AOAH: variants seen among roughly 807,000 people sequenced by gnomAD.
AOAH encodes acyloxyacyl hydrolase (neutrophil).
In AOAH, 64 loss-of-function variants were observed where a neutral mutation model predicts 92.2. The observed-to-expected ratio is 0.69, with a 90% CI of 0.57 to 0.86. The LOEUF (loss-of-function observed/expected upper bound fraction) is 0.86. Among genes scored for constraint, AOAH ranks in the 40% least tolerant of loss-of-function variants. The pLI is 0.00. For synonymous variants in AOAH, 263 were observed against 254.5 expected (o/e 1.03, Z -0.32); for missense variants, 656 against 694.6 (o/e 0.94, Z 0.62).
At chr7:36,649,327 C>G (rs1794429113) in intron 4 of AOAH, among the ~76,000 whole-genome samples, 1 of 152,174 alleles carries the variant, frequency 6.6e-6, no homozygotes, top group South Asian at 2.1e-4. Flanking sequence ...ACTAGGCCTT[C>G]TCATTTTCTT....
At chr7:36,599,136 G>T (rs933562142) in intron 11 of AOAH, among the ~76,000 whole-genome samples, 1 of 152,272 alleles carries the variant, frequency 6.6e-6, no homozygotes, top group South Asian at 2.1e-4. Context: ...ACTATTTTGT[G>T]TAATAGTTTC....
At chr7:36,623,654 C>G (rs1792441226) in intron 6 of AOAH, among the ~76,000 whole-genome samples, 1 of 152,184 alleles carries the variant, frequency 6.6e-6, no homozygotes, top group African/African-American at 2.4e-5. Flanking sequence ...AAATTTTACT[C>G]TTTTCAATCA....
intron 13 of AOAH, among the ~76,000 whole-genome samples, chr7:36,550,541 C>T (rs759277929): frequency 6.6e-6 from 1 of 152,104 alleles, no homozygotes; most frequent in Non-Finnish European, 1.5e-5. Flanking sequence ...GGTACTCATT[C>T]GAAGAACTGC....
At chr7:36,628,005 C>T (rs1006744271) in intron 6 of AOAH, among the ~76,000 whole-genome samples, 3 of 151,924 alleles carry the variant, frequency 2.0e-5, no homozygotes, top group East Asian at 1.9e-4. Context: ...GAGGGCCGGG[C>T]GTGGGTTGGT....
rs200517752 is a variant in AOAH at position 36,618,301 on chromosome 7, A to G, written c.747T>C (p.Cys249=). 4.3e-5 allele frequency: 69 copies of G among 1,613,478 alleles called. No individual in the cohort carries two copies. The African/African-American group carries it at 7.2e-4, about 17-fold the overall frequency. The change falls in exon 10 of 21, where the codon TGT becomes TGC. Residue 249 remains cysteine (C), a synonymous_variant. Transcript: ENST00000617537. The stretch of plus-strand genomic sequence containing the variant: ...AATGACATCCACAATTCATACCTTC[A>G]CAGAATTTCTTCTCATATGGAACTC... The part of the protein sequence containing the change: ...KDGVPYEKKF[C]EGSQPRGIIL...
intron 1 of AOAH, among the ~76,000 whole-genome samples, chr7:36,702,537 A>T (rs898245071): frequency 2.6e-5 from 4 of 152,232 alleles, no homozygotes; most frequent in African/African-American, 7.2e-5. Context: ...AAATAACTCA[A>T]TAGTCACATG....
At chr7:36,553,831 G>C (rs146180242) in intron 13 of AOAH, among the ~76,000 whole-genome samples, 19,936 of 152,110 alleles carry the variant, frequency 0.13, 1,359 homozygotes, top group African/African-American at 0.15. Flanking sequence ...TCATGGGGTT[G>C]TTTGTTTTTT....
intron 2 of AOAH, 55 bp from the exon 3 acceptor site, chr7:36,674,064 C>T: frequency 1.0e-6 from 1 of 977,404 alleles, no homozygotes; most frequent in Non-Finnish European, 1.6e-6. Context: ...GAATTTAACA[C>T]ACCTTAATAA....
intron 13 of AOAH, among the ~76,000 whole-genome samples, chr7:36,570,648 T>A (rs978106923): frequency 1.3e-5 from 2 of 152,204 alleles, no homozygotes; most frequent in Non-Finnish European, 2.9e-5. Context: ...TTTCTCCACA[T>A]CCTGTTTGTT....
intron 11 of AOAH, among the ~76,000 whole-genome samples, chr7:36,607,298 C>T (rs1250571510): frequency 6.6e-6 from 1 of 152,200 alleles, no homozygotes; most frequent in Admixed American, 6.5e-5. Context: ...TGTTTTTCTA[C>T]AGCATTTACT....
At chr7:36,644,400 C>G (rs537802402) in intron 4 of AOAH, among the ~76,000 whole-genome samples, 3 of 152,122 alleles carry the variant, frequency 2.0e-5, no homozygotes, top group East Asian at 1.9e-4. Flanking sequence ...AAAGCCACAC[C>G]ATGCATTCGT....
chr7:36,615,221 T>C (rs747806408), intron 11 of AOAH, among the ~76,000 whole-genome samples: 4 of 152,236 alleles, frequency 2.6e-5, no homozygotes, highest in African/African-American at 4.8e-5. Context: ...TACAGTGGCA[T>C]GTAAAACTGG....
chr7:36,663,825 T>A (rs2116568899), intron 3 of AOAH, among the ~76,000 whole-genome samples: 1 of 152,364 alleles, frequency 6.6e-6, no homozygotes, highest in East Asian at 1.9e-4. Context: ...CCCAGCGGTA[T>A]GAATCCTGGC....
chr7:36,692,321 G>GA (rs1426866156), intron 1 of AOAH, among the ~76,000 whole-genome samples: 1 of 152,158 alleles, frequency 6.6e-6, no homozygotes, highest in African/African-American at 2.4e-5. Context: ...GCTCATCTTT[G>GA]AAAAATATGT....
rs560700545 is a variant in AOAH at position 36,691,328 on chromosome 7, G to A, written c.128-4534C>T. Among the ~76,000 whole-genome samples the A allele has an allele frequency of 6.6e-5, 10 of 152,302 alleles. No individual in the cohort carries two copies. The South Asian group carries it at 2.1e-3, about 32-fold the overall frequency. On this transcript the variant is annotated intron_variant, in intron 1 of 20. Coordinates refer to ENST00000617537, the MANE Select transcript of AOAH (RefSeq NM_001637.4). Reference sequence around the variant, plus strand: ...AACACAATATTTGGTGAAAAGAAAAGAAGAAAGAAAGGTGTAAAAATAATC... The same window carrying A: ...AACACAATATTTGGTGAAAAGAAAAAAAGAAAGAAAGGTGTAAAAATAATC...
chr7:36,618,465 AG>A (rs1425673318), intron 9 of AOAH, 120 bp from the exon 10 acceptor site: 15 of 859,980 alleles, frequency 1.7e-5, no homozygotes, highest in Non-Finnish European at 2.4e-5. Flanking sequence ...AACCCTTTAA[AG>A]TTTCTTAAGC....
At chr7:36,625,726 C>T (rs191368260) in intron 6 of AOAH, among the ~76,000 whole-genome samples, 1 of 152,288 alleles carries the variant, frequency 6.6e-6, no homozygotes, top group African/African-American at 2.4e-5. Context: ...AAATTCCACC[C>T]CCATGATCAC....
chr7:36,620,826 C>T lies in AOAH; in HGVS notation c.657G>A (p.Pro219=), dbSNP rs757286128. 23 of 1,613,214 alleles carry T rather than the reference C, an allele frequency of 1.4e-5. No homozygotes were observed. Among genetic ancestry groups the T allele is most frequent in the African/African-American group, 6.7e-5 (5 of 74,812 alleles). ...SDESVYPGRR[P]NNWDVHQDSN... Reference sequence around the variant, plus strand: ...AATCCTGATGGACATCCCAGTTGTTCGGCCTAAGAAAAAAACATTAACATT... The same window carrying T: ...AATCCTGATGGACATCCCAGTTGTTTGGCCTAAGAAAAAAACATTAACATT... Residue 219 remains proline (P), a synonymous_variant, in exon 9 of 21, where the codon CCG becomes CCA. Coordinates refer to ENST00000617537, the MANE Select transcript of AOAH (RefSeq NM_001637.4).
intron 19 of AOAH, among the ~76,000 whole-genome samples, chr7:36,522,334 G>A (rs1784148726): frequency 6.6e-6 from 1 of 152,250 alleles, no homozygotes; most frequent in Non-Finnish European, 1.5e-5. Flanking sequence ...ATACGTGAGA[G>A]CATTGGATGA....
Sources: allele counts gnomAD v4.1 joint callset (sites outside exome capture counted in the v4.1 genomes callset), GRCh38; gene constraint gnomAD v4.1.1; transcripts MANE v1.5; gene names NCBI Gene and HGNC (gene_info 2026-07-23, HGNC 2026-07-21).